The following STK32B variants were observed in gnomAD, a reference collection of about 807,000 sequenced individuals.
STK32B encodes the protein serine/threonine kinase 32B, also known as serine/threonine-protein kinase 32B.
Under a neutral mutation model 52.6 loss-of-function variants are expected in STK32B, and 43 were observed. The ratio of observed to expected loss-of-function variants is 0.82; its 90% CI spans 0.64 to 1.05. The LOEUF is 1.05. STK32B is among the 50% of genes least tolerant of loss of function. The pLI, the probability that STK32B is intolerant of heterozygous loss-of-function variation, is 0.00. For missense variants in STK32B, 621 were observed against 534.6 expected, an observed-to-expected ratio of 1.16 and a Z score of -1.59; for synonymous variants, 238 against 204.3, an observed-to-expected ratio of 1.17 and a Z score of -1.41.
chr4:5,292,722 C>G (rs1728962675), intron 3 of STK32B, among the ~76,000 whole-genome samples: 1 of 151,902 alleles, frequency 6.6e-6, no homozygotes, highest in African/African-American at 2.4e-5. Context: ...AAACTTTTGC[C>G]TAGGCCAATG....
intron 3 of STK32B, among the ~76,000 whole-genome samples, chr4:5,283,315 AG>A (rs943898366): frequency 8.8e-5 from 11 of 125,672 alleles, no homozygotes; most frequent in African/African-American, 5.8e-4. Flanking sequence ...CAGAACAAAA[AG>A]GAAAAAAAAA....
At chr4:5,145,859 G>T (rs185065067) in intron 2 of STK32B, among the ~76,000 whole-genome samples, 1 of 152,092 alleles carries the variant, frequency 6.6e-6, no homozygotes, top group African/African-American at 2.4e-5. Flanking sequence ...CCAATTTGTT[G>T]AGTGCTTTTG....
chr4:5,442,035 A>G (rs1466461421), intron 6 of STK32B, among the ~76,000 whole-genome samples: 2 of 109,464 alleles, frequency 1.8e-5, no homozygotes, highest in Non-Finnish European at 3.7e-5. Flanking sequence ...TATGTGGTCA[A>G]TTTTGGAATA....
At chr4:5,319,698 TCAA>T (rs1391749577) in intron 3 of STK32B, among the ~76,000 whole-genome samples, 1 of 152,190 alleles carries the variant, frequency 6.6e-6, no homozygotes, top group Admixed American at 6.5e-5. Context: ...GGGCTCAGCT[TCAA>T]GGAAGAGAAT....
intron 4 of STK32B, among the ~76,000 whole-genome samples, chr4:5,371,811 G>C (rs1288298421): frequency 6.6e-6 from 1 of 152,202 alleles, no homozygotes; most frequent in Non-Finnish European, 1.5e-5. Context: ...CCAAAATCAA[G>C]ACTTGAGCCC....
chr4:5,304,003 T>C (rs1729748032), intron 3 of STK32B, among the ~76,000 whole-genome samples: 1 of 152,162 alleles, frequency 6.6e-6, no homozygotes, highest in African/African-American at 2.4e-5. Context: ...TTTAGCTTTA[T>C]TTTTGAGTTC....
chr4:5,254,432 A>G (rs749740839), intron 3 of STK32B, among the ~76,000 whole-genome samples: 28 of 152,052 alleles, frequency 1.8e-4, no homozygotes, highest in Non-Finnish European at 4.0e-4. Flanking sequence ...GTCATTTTTA[A>G]TATTCTATTC....
At chr4:5,338,796 T>C (rs999555345) in intron 4 of STK32B, among the ~76,000 whole-genome samples, 6 of 152,198 alleles carry the variant, frequency 3.9e-5, no homozygotes, top group African/African-American at 1.2e-4. Flanking sequence ...AAAGGAGATA[T>C]CCAGTAATTT....
At chr4:5,289,176 T>C (rs975149184) in intron 3 of STK32B, among the ~76,000 whole-genome samples, 8 of 152,220 alleles carry the variant, frequency 5.3e-5, no homozygotes, top group Non-Finnish European at 1.2e-4. Context: ...TGTAGGATGT[T>C]ACTGTACTAA....
At chr4:5,105,595 G>A (rs1049659358) in intron 1 of STK32B, among the ~76,000 whole-genome samples, 13 of 151,354 alleles carry the variant, frequency 8.6e-5, no homozygotes, top group African/African-American at 2.7e-4. Context: ...ACGGAGTATC[G>A]CACTCTCACC....
intron 4 of STK32B, among the ~76,000 whole-genome samples, chr4:5,369,026 T>A (rs993806127): frequency 1.3e-4 from 20 of 151,928 alleles, no homozygotes; most frequent in African/African-American, 4.8e-4. Context: ...CACCCCACAA[T>A]CCCTGCCTCC....
chr4:5,070,562 G>A (rs1284639028), intron 1 of STK32B, among the ~76,000 whole-genome samples: 1 of 152,140 alleles, frequency 6.6e-6, no homozygotes, highest in Non-Finnish European at 1.5e-5. Context: ...GATTACTTTG[G>A]AAATGATCTT....
At chr4:5,098,525 C>G (rs182686851) in intron 1 of STK32B, among the ~76,000 whole-genome samples, 9 of 152,296 alleles carry the variant, frequency 5.9e-5, no homozygotes, top group Admixed American at 5.9e-4. Flanking sequence ...CTCATGACTG[C>G]ATGCTTAGAG....
At chr4:5,346,749 A>G (rs1248941104) in intron 4 of STK32B, among the ~76,000 whole-genome samples, 1 of 152,150 alleles carries the variant, frequency 6.6e-6, no homozygotes, top group African/African-American at 2.4e-5. Flanking sequence ...ATAAGCTGAA[A>G]TAAGTGTCAG....
chr4:5,459,857 G>A (rs1448409096), intron 8 of STK32B, among the ~76,000 whole-genome samples: 1 of 152,176 alleles, frequency 6.6e-6, no homozygotes, highest in Non-Finnish European at 1.5e-5. Flanking sequence ...TGAAAGTCTG[G>A]TCCCTGCCCT....
chr4:5,170,408 A>G (rs1050068941), intron 3 of STK32B, among the ~76,000 whole-genome samples: 23 of 152,238 alleles, frequency 1.5e-4, no homozygotes, highest in African/African-American at 5.5e-4. Context: ...TGCTGCACCC[A>G]TTAACTCGTC....
intron 4 of STK32B, among the ~76,000 whole-genome samples, chr4:5,334,488 G>A (rs889625450): frequency 5.9e-5 from 9 of 151,998 alleles, no homozygotes; most frequent in African/African-American, 7.2e-5. Flanking sequence ...CTGCCTAATT[G>A]CCCTGGCCAG....
chr4:5,327,580 G>A (rs74802018), intron 3 of STK32B, among the ~76,000 whole-genome samples: 4 of 151,918 alleles, frequency 2.6e-5, no homozygotes, highest in Non-Finnish European at 5.9e-5. Flanking sequence ...TGAGAAGTAG[G>A]TCTCAGCATT....
intron 3 of STK32B, among the ~76,000 whole-genome samples, chr4:5,234,174 C>A (rs766590892): frequency 3.9e-5 from 6 of 152,190 alleles, no homozygotes; most frequent in Non-Finnish European, 8.8e-5. Flanking sequence ...TTATTGGAAG[C>A]GTTGTGTAGT....
Sources: allele counts gnomAD v4.1 joint callset (sites outside exome capture counted in the v4.1 genomes callset), GRCh38; gene constraint gnomAD v4.1.1; transcripts MANE v1.5; gene names NCBI Gene and HGNC (gene_info 2026-07-23, HGNC 2026-07-21).